The following DNAL1 variants were observed in gnomAD, a reference collection of about 807,000 sequenced individuals.
The protein encoded by DNAL1 is chromosome 14 open reading frame 168.
Under a neutral mutation model 29.4 loss-of-function variants are expected in DNAL1, and 17 were observed. That is an observed-to-expected ratio of 0.58 (90% CI 0.40 to 0.87). The LOEUF (loss-of-function observed/expected upper bound fraction) is 0.87, where lower values mean the gene tolerates loss of function less well. Ranked by LOEUF, DNAL1 falls within the 40% of genes least tolerant of loss-of-function variation. DNAL1 has a pLI of 0.00. For synonymous variants in DNAL1, 78 were observed against 76.3 expected, an observed-to-expected ratio of 1.02 and a Z score of -0.12; for missense variants, 188 against 214.1, an observed-to-expected ratio of 0.88 and a Z score of 0.76.
chr14:73,692,722 TAGA>T (rs1468725400), intron 7 of DNAL1, among the ~76,000 whole-genome samples: 1 of 152,168 alleles, frequency 6.6e-6, no homozygotes, highest in Admixed American at 6.5e-5. Context: ...GAACAGCCCC[TAGA>T]AGAACACCTT....
In DNAL1 at chr14:73,689,426, T is replaced by C. The variant is rs1466506003; in HGVS notation, c.443T>C (p.Val148Ala). The change falls in exon 7 of 8, where the codon GTA becomes GCA. Residue 148 changes from valine (V) to alanine (A), a missense_variant. By Grantham distance (64) the Val-to-Ala change is moderately conservative (BLOSUM62 0). Transcript: ENST00000553645. ...CCATGCCTCGAAGACCTGGTGTTTGTAGGCAATCCCTTGGAAGAGAAACAT... is the reference window on the plus strand; with the variant it reads ...CCATGCCTCGAAGACCTGGTGTTTGCAGGCAATCCCTTGGAAGAGAAACAT... ...ELPCLEDLVF[V>A]GNPLEEKHSA... The C allele has an allele frequency of 6.4e-7, 1 of 1,557,494 alleles. No individual in the cohort carries two copies.
intron 3 of DNAL1, among the ~76,000 whole-genome samples, chr14:73,660,548 C>T (rs760818737): frequency 6.6e-6 from 1 of 152,140 alleles, no homozygotes; most frequent in Admixed American, 6.5e-5. Flanking sequence ...CTGATGAAAC[C>T]TAGGAATCTG....
chr14:73,685,993 T>C (rs1169536842), intron 5 of DNAL1, among the ~76,000 whole-genome samples: 1 of 152,126 alleles, frequency 6.6e-6, no homozygotes, highest in East Asian at 1.9e-4. Flanking sequence ...AATTATCATA[T>C]GATAATTAAT....
chr14:73,666,639 A>G (rs903265530), intron 4 of DNAL1, among the ~76,000 whole-genome samples: 1 of 152,192 alleles, frequency 6.6e-6, no homozygotes, highest in Admixed American at 6.6e-5. Context: ...ATACAGTAAT[A>G]AATATGGTCT....
At chr14:73,646,291 T>G (rs12436305) in intron 1 of DNAL1, among the ~76,000 whole-genome samples, 26,849 of 152,224 alleles carry the variant, frequency 0.18, 3,090 homozygotes, top group South Asian at 0.23. Context: ...AGGGATACAT[T>G]CTAACAAACA....
chr14:73,656,787 C>T (rs188445520), intron 2 of DNAL1, among the ~76,000 whole-genome samples: 2 of 151,802 alleles, frequency 1.3e-5, no homozygotes, highest in Admixed American at 6.6e-5. Context: ...TTGATTTACC[C>T]AACATTTATT....
chr14:73,649,525 G>A (rs921224972), intron 1 of DNAL1, among the ~76,000 whole-genome samples: 14 of 147,772 alleles, frequency 9.5e-5, no homozygotes, highest in Middle Eastern at 3.9e-3. Flanking sequence ...CTCGTGATCC[G>A]CCCGCCTCAG....
chr14:73,676,792 T>C (rs917844925), intron 5 of DNAL1, among the ~76,000 whole-genome samples: 4 of 152,092 alleles, frequency 2.6e-5, no homozygotes, highest in African/African-American at 7.2e-5. Flanking sequence ...CGTATTTACA[T>C]GTGATGGGAT....
chr14:73,691,452 G>A (rs1405579655), intron 7 of DNAL1, among the ~76,000 whole-genome samples: 1 of 151,934 alleles, frequency 6.6e-6, no homozygotes, highest in Admixed American at 6.6e-5. Context: ...AGGAGGCTAA[G>A]GCAGGAGAAT....
chr14:73,694,183 A>G (rs1387113314), intron 7 of DNAL1, among the ~76,000 whole-genome samples: 2 of 151,636 alleles, frequency 1.3e-5, no homozygotes. Flanking sequence ...AGGCATGAAG[A>G]TCCTTTGAGC....
chr14:73,660,725 C>T (rs1891322729), intron 3 of DNAL1, among the ~76,000 whole-genome samples: 1 of 152,176 alleles, frequency 6.6e-6, no homozygotes, highest in Non-Finnish European at 1.5e-5. Flanking sequence ...AATCCACCAC[C>T]ACATGCTTTT....
chr14:73,660,854 G>A (rs982028654), intron 3 of DNAL1, among the ~76,000 whole-genome samples: 3 of 152,122 alleles, frequency 2.0e-5, no homozygotes, highest in Non-Finnish European at 4.4e-5. Context: ...ATATCACCTC[G>A]AGTCAACCTG....
chr14:73,665,609 G>A (rs1379244533), intron 4 of DNAL1, among the ~76,000 whole-genome samples: 1 of 152,042 alleles, frequency 6.6e-6, no homozygotes, highest in East Asian at 1.9e-4. Context: ...TGGCCAATGT[G>A]GTGAAACCCT....
chr14:73,670,601 A>T (rs1420498686), intron 4 of DNAL1, among the ~76,000 whole-genome samples: 2 of 152,098 alleles, frequency 1.3e-5, no homozygotes, highest in Non-Finnish European at 1.5e-5. Context: ...TACTTCTGTT[A>T]GTTCCTCCCC....
chr14:73,671,466 GC>G (rs1159934991), intron 4 of DNAL1, 75 bp from the exon 5 acceptor site: 1 of 1,302,712 alleles, frequency 7.7e-7, no homozygotes, highest in East Asian at 3.0e-5. Flanking sequence ...ACTTATTAAA[GC>G]TTTATTATTC....
At position 73,700,161 on chromosome 14, in the gene DNAL1, G is replaced by C. The variant is rs1892396115; in HGVS notation, c.*4219G>C. On this transcript the variant is annotated 3_prime_UTR_variant, in exon 8 of 8. Transcript: ENST00000553645. Reference sequence around the variant, plus strand: ...GAGGTCAGGAGTTCGAGGCCAGCCTGGCCAACGTGGTGAAACCCCATGTCT... The same window carrying C: ...GAGGTCAGGAGTTCGAGGCCAGCCTCGCCAACGTGGTGAAACCCCATGTCT... 6.6e-6 allele frequency: 1 copy of C among 152,266 alleles called. No individual in the cohort carries two copies. The highest frequency in any genetic ancestry group is 1.5e-5 in the Non-Finnish European group (1 of 68,064). 9.4% of individuals were successfully genotyped at this position (152,266 alleles called of 1,614,324 possible). A position where few individuals can be genotyped will look rare whatever the true frequency, so the allele number is the denominator to read the frequency against.
intron 4 of DNAL1, among the ~76,000 whole-genome samples, chr14:73,670,582 G>A (rs1022172974): frequency 6.6e-6 from 1 of 151,880 alleles, no homozygotes. Flanking sequence ...GGTTACAATG[G>A]GAAATGTCTA....
At chr14:73,677,149 T>G (rs1425842742) in intron 5 of DNAL1, among the ~76,000 whole-genome samples, 1 of 151,846 alleles carries the variant, frequency 6.6e-6, no homozygotes, top group Non-Finnish European at 1.5e-5. Flanking sequence ...TTTTTGTATT[T>G]TTAGTAGAGA....
chr14:73,684,138 A>G lies in DNAL1; in HGVS notation c.265-3121A>G, dbSNP rs569875747. Among the ~76,000 whole-genome samples the G allele has an allele frequency of 1.0e-3, 158 of 152,274 alleles. 1 individual carries two copies. Among genetic ancestry groups the G allele is most frequent in the Non-Finnish European group, 9.8e-4 (67 of 68,026 alleles). The stretch of plus-strand genomic sequence containing the variant: ...AAATGACAGGATTTCATGCTTTTTT[A>G]TGGCTGAATAGTATTCCATTGTGTG... On this transcript the variant is annotated intron_variant, in intron 5 of 7. Transcript: ENST00000553645.
Sources: gnomAD v4.1 joint callset for allele counts (sites outside exome capture counted in the v4.1 genomes callset) on GRCh38, gnomAD v4.1.1 for gene constraint, MANE v1.5 for transcripts, NCBI Gene and HGNC (gene_info 2026-07-23, HGNC 2026-07-21) for gene names.